Variants in LMTK2 observed in about 807,000 individuals in gnomAD.
LMTK2 encodes the protein lemur tail kinase 2, also known as serine/threonine-protein kinase LMTK2.
A neutral mutation model predicts 127.5 loss-of-function variants in LMTK2; 37 were observed. The observed-to-expected ratio is 0.29, with a 90% CI of 0.22 to 0.38. The LOEUF (loss-of-function observed/expected upper bound fraction) is 0.38. Ranked by LOEUF, LMTK2 falls within the 10% of genes least tolerant of loss-of-function variation. The pLI is 1.00. For missense variants in LMTK2, 1,694 were observed against 1,920.3 expected, an observed-to-expected ratio of 0.88 and a Z score of 2.20; for synonymous variants, 819 against 810.1, an observed-to-expected ratio of 1.01 and a Z score of -0.19.
In LMTK2 at chr7:98,206,333, C is replaced by T. The variant is rs1022092757; in HGVS notation, c.*841C>T. ...CTTTGCCGCAGCAAATGAGGCTTCTCTCTGAGGAGCTGAGAGGTCTTGCAG... is the reference window on the plus strand; with the variant it reads ...CTTTGCCGCAGCAAATGAGGCTTCTTTCTGAGGAGCTGAGAGGTCTTGCAG... On this transcript the variant is annotated 3_prime_UTR_variant, in exon 14 of 14. Coordinates refer to ENST00000297293, the MANE Select transcript of LMTK2 (RefSeq NM_014916.4). 1 of 152,242 alleles carries T rather than the reference C, an allele frequency of 6.6e-6. No homozygotes were observed. The highest frequency in any genetic ancestry group is 2.4e-5 in the African/African-American group (1 of 41,458). The allele number at this position is 152,242 out of a possible 1,614,324, so 9.4% of individuals were successfully genotyped here.
chr7:98,173,852 C>G (rs192161532), intron 7 of LMTK2, among the ~76,000 whole-genome samples: 1 of 152,062 alleles, frequency 6.6e-6, no homozygotes, highest in South Asian at 2.1e-4. Context: ...GTCAGGAGAT[C>G]GAGACTGTCC....
In LMTK2 at chr7:98,192,164, T is replaced by A. The variant is rs531637855; in HGVS notation, c.1699T>A (p.Tyr567Asn). The change falls in exon 11 of 14, where the codon TAC becomes AAC. Residue 567 changes from tyrosine to asparagine, a missense_variant. Tyr to Asn is a moderately radical substitution (Grantham distance 143, BLOSUM62 -2). Coordinates refer to ENST00000297293, the MANE Select transcript of LMTK2 (RefSeq NM_014916.4). ...AAGTGGTAGTAACTTGGAGCTTGAT[T>A]ACCCACCAGCGCTGCTCACAACCGA... ...EKSGSNLELD[Y>N]PPALLTTDMD... 1 of 1,528,920 alleles carries A rather than the reference T, an allele frequency of 6.5e-7. No homozygotes were observed. The highest frequency in any genetic ancestry group is 8.8e-7 in the Non-Finnish European group (1 of 1,140,868). The allele number at this position is 1,528,920 out of a possible 1,614,324, so 94.7% of individuals were successfully genotyped here. A position where few individuals can be genotyped will look rare whatever the true frequency, so the allele number is the denominator to read the frequency against.
At position 98,192,873 on chromosome 7, in the gene LMTK2, T is replaced by C. The variant is rs1246788580; in HGVS notation, c.2408T>C (p.Leu803Ser). 1 of 1,614,146 alleles carries C rather than the reference T, an allele frequency of 6.2e-7. No individual in the cohort carries two copies. Among genetic ancestry groups the C allele is most frequent in the Non-Finnish European group, 8.5e-7 (1 of 1,179,982 alleles). The change falls in exon 11 of 14, where the codon TTG becomes TCG. Residue 803 changes from leucine (L) to serine (S), a missense_variant. Physicochemically the swap from Leu to Ser is moderately radical, Grantham distance 145. Coordinates refer to ENST00000297293, the MANE Select transcript of LMTK2 (RefSeq NM_014916.4). ...DTDVMLTGDTLSTSLQSSPEV... is the reference protein window; with the variant it reads ...DTDVMLTGDTSSTSLQSSPEV... ...GATGTCATGCTCACAGGTGACACTT[T>C]GAGCACCTCATTGCAGTCTTCCCCG...
chr7:98,201,733 CTGAGTAGCTGGGGCTACAGGCG>C (rs1797707846), intron 11 of LMTK2, among the ~76,000 whole-genome samples: 1 of 152,174 alleles, frequency 6.6e-6, no homozygotes, highest in Non-Finnish European at 1.5e-5. Flanking sequence ...CCTCAGCCTC[CTGAGTAGCTGGGGCTACAGGCG>C]TGCACCACCA....
At chr7:98,195,591 CCTT>C (rs1778022615) in intron 11 of LMTK2, among the ~76,000 whole-genome samples, 1 of 152,174 alleles carries the variant, frequency 6.6e-6, no homozygotes, top group Admixed American at 6.5e-5. Context: ...GGTCCCCTCA[CCTT>C]CTAGAAGGCG....
At position 98,121,188 on chromosome 7, in the gene LMTK2, C is replaced by T. The variant is rs777279883; in HGVS notation, c.103+13908C>T. ...TGTGCTTTAAAGAACCTCTGTAGTGCGATGCGCATGCACACACGGAGACCC... is the reference window on the plus strand; with the variant it reads ...TGTGCTTTAAAGAACCTCTGTAGTGTGATGCGCATGCACACACGGAGACCC... On this transcript the variant is annotated intron_variant, in intron 1 of 13. Transcript: ENST00000297293. 6.6e-5 allele frequency among the ~76,000 whole-genome samples: 10 copies of T among 152,134 alleles called. No individual in the cohort carries two copies. The East Asian group carries it at 1.2e-3, about 18-fold the overall frequency.
At chr7:98,187,117 G>A (rs1797447574) in intron 9 of LMTK2, 119 bp downstream of exon 9, 2 of 903,678 alleles carry the variant, frequency 2.2e-6, no homozygotes, top group Non-Finnish European at 3.3e-6. Context: ...AAGAGTATCT[G>A]ATGGTGTGAA....
At chr7:98,110,596 G>C (rs1050775979) in intron 1 of LMTK2, among the ~76,000 whole-genome samples, 1 of 152,210 alleles carries the variant, frequency 6.6e-6, no homozygotes, top group East Asian at 1.9e-4. Context: ...TCTTCTCTTA[G>C]AAAACATGGA....
chr7:98,205,828 G>C lies in LMTK2; in HGVS notation c.*336G>C, dbSNP rs956122483. The C allele has an allele frequency of 1.1e-5, 4 of 375,552 alleles. No individual in the cohort carries two copies. The highest frequency in any genetic ancestry group is 2.0e-5 in the Non-Finnish European group (4 of 201,578). 23.3% of individuals were successfully genotyped at this position (375,552 alleles called of 1,614,324 possible). ...GCGTGTGGAGCTGTGTGCACCGCAT[G>C]TGTGCTTTCCACAGGGGCGTCTCTG... is the stretch of plus-strand genomic sequence containing the variant. On this transcript the variant is annotated 3_prime_UTR_variant, in exon 14 of 14. Transcript: ENST00000297293.
chr7:98,161,445 TAACTG>T (rs886585787), intron 6 of LMTK2, among the ~76,000 whole-genome samples: 22 of 152,308 alleles, frequency 1.4e-4, no homozygotes, highest in African/African-American at 4.6e-4. Flanking sequence ...ATTGGGCACT[TAACTG>T]AAGTAAGGCA....
At chr7:98,162,302 T>C (rs1797028269) in intron 6 of LMTK2, among the ~76,000 whole-genome samples, 4 of 152,240 alleles carry the variant, frequency 2.6e-5, no homozygotes, top group Admixed American at 2.6e-4. Context: ...TATTTCTGTA[T>C]CTTTATCATT....
chr7:98,176,726 A>T (rs1310714309), intron 7 of LMTK2, among the ~76,000 whole-genome samples: 2 of 152,198 alleles, frequency 1.3e-5, no homozygotes, highest in African/African-American at 2.4e-5. Flanking sequence ...ACATGCCTGT[A>T]ATCCCAGCTA....
chr7:98,185,237 G>C, intron 8 of LMTK2, 102 bp downstream of exon 8: 1 of 798,278 alleles, frequency 1.3e-6, no homozygotes, highest in East Asian at 2.8e-5. Flanking sequence ...TTAGTCGCTA[G>C]GCTTTCTGGA....
At position 98,205,745 on chromosome 7, in the gene LMTK2, G is replaced by T; in HGVS notation, c.*253G>T. ...GTGCACCCGCGGCCGCGGCCTCCCAGGCAGTGCTCATGCGCTGGCCGTCGG... is the reference window on the plus strand; with the variant it reads ...GTGCACCCGCGGCCGCGGCCTCCCATGCAGTGCTCATGCGCTGGCCGTCGG... On this transcript the variant is annotated 3_prime_UTR_variant, in exon 14 of 14. Transcript: ENST00000297293. 1.8e-6 allele frequency: 1 copy of T among 571,426 alleles called. No individual in the cohort carries two copies. 35.4% of individuals were successfully genotyped at this position (571,426 alleles called of 1,614,324 possible).
At chr7:98,133,149 G>A (rs924219777) in intron 1 of LMTK2, among the ~76,000 whole-genome samples, 2 of 152,198 alleles carry the variant, frequency 1.3e-5, no homozygotes, top group Non-Finnish European at 2.9e-5. Flanking sequence ...GAAAGCATAC[G>A]TATTCCGCCA....
chr7:98,168,423 T>C (rs895648577), intron 6 of LMTK2, among the ~76,000 whole-genome samples: 1 of 152,236 alleles, frequency 6.6e-6, no homozygotes. Context: ...CGGCGTCAGC[T>C]GCCCCAGTCT....
Position 98,137,386 on chromosome 7 carries a change from A to G in LMTK2, c.175A>G (p.Ile59Val), listed in dbSNP as rs1796611028. 1 of 1,613,810 alleles carries G rather than the reference A, an allele frequency of 6.2e-7. No homozygotes were observed. The highest frequency in any genetic ancestry group is 8.5e-7 in the Non-Finnish European group (1 of 1,179,790). ...ILCVCSLIIL[I>V]VLIANCVSCC... ...GTGTGTGTGCAGTTTAATAATATTA[A>G]TAGTGTTAATTGCAAACTGTGTATC... Residue 59 changes from isoleucine to valine, a missense_variant, in exon 2 of 14, where the codon ATA becomes GTA. Physicochemically the swap from Ile to Val is conservative, Grantham distance 29 (BLOSUM62 3). Coordinates refer to ENST00000297293, the MANE Select transcript of LMTK2 (RefSeq NM_014916.4).
chr7:98,190,670 G>A, intron 9 of LMTK2, 58 bp from the exon 10 acceptor site: 2 of 1,511,894 alleles, frequency 1.3e-6, no homozygotes, highest in Non-Finnish European at 1.8e-6. Context: ...ACAAGTATGA[G>A]TGTTAAAAAT....
At chr7:98,148,523 TA>T (rs1382203783) in intron 3 of LMTK2, among the ~76,000 whole-genome samples, 3 of 150,358 alleles carry the variant, frequency 2.0e-5, no homozygotes, top group East Asian at 3.9e-4. Flanking sequence ...ATAATAATAA[TA>T]AATAAAAATA....
Sources: gnomAD v4.1 joint callset for allele counts (sites outside exome capture counted in the v4.1 genomes callset) on GRCh38, gnomAD v4.1.1 for gene constraint, MANE v1.5 for transcripts, NCBI Gene and HGNC (gene_info 2026-07-23, HGNC 2026-07-21) for gene names.